Variants in TLL1 observed in about 807,000 individuals in gnomAD.
The protein encoded by TLL1 is tolloid-like protein 1.
A neutral mutation model predicts 128.2 loss-of-function variants in TLL1; 49 were observed. That is an observed-to-expected ratio of 0.38 (90% CI 0.30 to 0.48). TLL1 has a LOEUF of 0.48. TLL1 is among the 20% of genes least tolerant of loss of function. The pLI, the probability that TLL1 is intolerant of heterozygous loss-of-function variation, is 0.96. For synonymous variants in TLL1, 454 were observed against 418.8 expected (o/e 1.08, Z -1.03); for missense variants, 1,123 against 1,242.0 (o/e 0.90, Z 1.44).
intron 1 of TLL1, among the ~76,000 whole-genome samples, chr4:165,942,031 GA>G (rs1734034321): frequency 6.6e-6 from 1 of 151,992 alleles, no homozygotes; most frequent in Non-Finnish European, 1.5e-5. Flanking sequence ...AGATATTATT[GA>G]CCCATTTTAC....
At chr4:166,057,843 G>A (rs1460963978) in intron 14 of TLL1, among the ~76,000 whole-genome samples, 7 of 152,120 alleles carry the variant, frequency 4.6e-5, no homozygotes, top group African/African-American at 1.7e-4. Flanking sequence ...CCCCAACCAT[G>A]ATTCAGTTAC....
At position 166,016,275 on chromosome 4, in the gene TLL1, G is replaced by A. The variant is rs990061163; in HGVS notation, c.1042+1715G>A. Reference sequence around the variant, plus strand: ...AAGATATGGGTGATCCTTAACTAATGTCTAGTAACATTGGGCATATACTTT... The same window carrying A: ...AAGATATGGGTGATCCTTAACTAATATCTAGTAACATTGGGCATATACTTT... On this transcript the variant is annotated intron_variant, in intron 8 of 20. Coordinates refer to ENST00000061240, the MANE Select transcript of TLL1 (RefSeq NM_012464.5). Among the ~76,000 whole-genome samples the A allele has an allele frequency of 5.3e-5, 8 of 151,976 alleles. No homozygotes were observed. The South Asian group carries it at 8.3e-4, about 16-fold the overall frequency.
At chr4:165,900,988 A>G (rs1294573130) in intron 1 of TLL1, among the ~76,000 whole-genome samples, 3 of 144,738 alleles carry the variant, frequency 2.1e-5, no homozygotes, top group East Asian at 4.5e-4. Context: ...CATTAAGTTG[A>G]TCTTCAACCT....
Position 166,077,663 on chromosome 4 carries a change from G to A in TLL1, c.2315-240G>A, listed in dbSNP as rs572461616. ...AAAATAAAAGTTCATTTTCTTTTAG[G>A]CATTTATCTGATTTATGGTAAATAC... On this transcript the variant is annotated intron_variant, in intron 17 of 20. Coordinates refer to ENST00000061240, the MANE Select transcript of TLL1 (RefSeq NM_012464.5). Among the ~76,000 whole-genome samples, 6 of 152,180 alleles carry A rather than the reference G, an allele frequency of 3.9e-5. No homozygotes were observed. In the East Asian group the frequency reaches 1.2e-3, roughly 29 times the overall value.
At chr4:166,064,907 A>T (rs1740502259) in intron 15 of TLL1, among the ~76,000 whole-genome samples, 1 of 152,092 alleles carries the variant, frequency 6.6e-6, no homozygotes, top group African/African-American at 2.4e-5. Context: ...AATCATATGC[A>T]TTGTTAAACC....
intron 1 of TLL1, among the ~76,000 whole-genome samples, chr4:165,948,268 T>C (rs1283493011): frequency 6.6e-6 from 1 of 152,138 alleles, no homozygotes; most frequent in African/African-American, 2.4e-5. Flanking sequence ...GTGTCTTTAA[T>C]TTCACAGGTC....
intron 16 of TLL1, among the ~76,000 whole-genome samples, chr4:166,073,061 G>C (rs1026036673): frequency 5.3e-5 from 8 of 152,094 alleles, no homozygotes; most frequent in African/African-American, 1.9e-4. Context: ...AAGGAAATAT[G>C]TGTCTATTTC....
At chr4:165,950,377 T>C (rs570722718) in intron 1 of TLL1, among the ~76,000 whole-genome samples, 1 of 152,188 alleles carries the variant, frequency 6.6e-6, no homozygotes, top group Non-Finnish European at 1.5e-5. Context: ...AGGCGATAAA[T>C]GAGCAAATAT....
chr4:165,873,683 C>G lies in TLL1; in HGVS notation c.-222C>G, dbSNP rs1730591290. Reference sequence around the variant, plus strand: ...CCTGCCCTCCGCCCACCCGTGGGCCCCTAGCCAACTTCTCCCTGCGACTGG... The same window carrying G: ...CCTGCCCTCCGCCCACCCGTGGGCCGCTAGCCAACTTCTCCCTGCGACTGG... On this transcript the variant is annotated 5_prime_UTR_variant, in exon 1 of 21. Transcript: ENST00000061240. 5.5e-6 allele frequency: 3 copies of G among 548,750 alleles called. No homozygotes were observed. The Admixed American group carries it at 9.4e-5, about 17-fold the overall frequency. 34.0% of individuals were successfully genotyped at this position (548,750 alleles called of 1,614,324 possible).
At chr4:165,957,706 T>A (rs1044263506) in intron 1 of TLL1, among the ~76,000 whole-genome samples, 1 of 150,828 alleles carries the variant, frequency 6.6e-6, no homozygotes, top group Non-Finnish European at 1.5e-5. Context: ...TCATTCTTTT[T>A]TTTTTTTTTT....
At chr4:165,981,525 C>G (rs1214714844) in intron 1 of TLL1, among the ~76,000 whole-genome samples, 4 of 152,030 alleles carry the variant, frequency 2.6e-5, no homozygotes, top group Non-Finnish European at 4.4e-5. Flanking sequence ...CAATTTATAT[C>G]TACTAGCTAA....
At chr4:165,929,432 A>T (rs1733417703) in intron 1 of TLL1, among the ~76,000 whole-genome samples, 1 of 152,014 alleles carries the variant, frequency 6.6e-6, no homozygotes, top group Non-Finnish European at 1.5e-5. Context: ...CCAGCTACTC[A>T]AGAGGCTGAG....
chr4:166,080,787 T>A (rs893338715), intron 18 of TLL1, among the ~76,000 whole-genome samples: 3 of 152,134 alleles, frequency 2.0e-5, no homozygotes, highest in African/African-American at 4.8e-5. Context: ...TGGCTTCAAA[T>A]TCCTTTTTCT....
chr4:165,992,693 A>T, intron 2 of TLL1, 111 bp from the exon 3 acceptor site: 2 of 974,482 alleles, frequency 2.1e-6, no homozygotes, highest in Non-Finnish European at 3.2e-6. Flanking sequence ...TCAACACTTT[A>T]AGACCACATA....
intron 1 of TLL1, among the ~76,000 whole-genome samples, chr4:165,894,410 T>G (rs1460059): frequency 6.6e-6 from 1 of 151,956 alleles, no homozygotes; most frequent in African/African-American, 2.4e-5. Context: ...AAACTGGTAC[T>G]TAACGGAGTA....
At chr4:166,013,691 T>C (rs981640752) in intron 7 of TLL1, among the ~76,000 whole-genome samples, 3 of 151,772 alleles carry the variant, frequency 2.0e-5, no homozygotes, top group African/African-American at 7.2e-5. Context: ...AATTAGAAAG[T>C]ATTTTTAGGG....
chr4:165,879,015 G>A (rs1333807793), intron 1 of TLL1, among the ~76,000 whole-genome samples: 2 of 130,488 alleles, frequency 1.5e-5, no homozygotes, highest in Non-Finnish European at 3.1e-5. Flanking sequence ...TCACAGCCTC[G>A]ACCTCCTAGG....
chr4:166,045,290 T>G (rs1739414276), intron 12 of TLL1, among the ~76,000 whole-genome samples: 1 of 152,194 alleles, frequency 6.6e-6, no homozygotes, highest in African/African-American at 2.4e-5. Flanking sequence ...ACCGAACCCT[T>G]GCTTATTTTA....
At position 166,055,167 on chromosome 4, in the gene TLL1, A is replaced by T; in HGVS notation, c.1616A>T (p.Tyr539Phe). The T allele has an allele frequency of 6.2e-7, 1 of 1,613,668 alleles. No homozygotes were observed. The highest frequency in any genetic ancestry group is 8.5e-7 in the Non-Finnish European group (1 of 1,179,762). Residue 539 changes from tyrosine (Y) to phenylalanine (F), a missense_variant, in exon 13 of 21, where the codon TAT becomes TTT. Coordinates refer to ENST00000061240, the MANE Select transcript of TLL1 (RefSeq NM_012464.5). Reference sequence around the variant, plus strand: ...CCTTTGATAGGGCGTTTCTGTGGTTATGACAAACCTGAAGACATAAGATCT... The same window carrying T: ...CCTTTGATAGGGCGTTTCTGTGGTTTTGACAAACCTGAAGACATAAGATCT... ...NSPLIGRFCGYDKPEDIRSTS... is the reference protein window; with the variant it reads ...NSPLIGRFCGFDKPEDIRSTS...
Sources: allele counts gnomAD v4.1 joint callset (sites outside exome capture counted in the v4.1 genomes callset), GRCh38; gene constraint gnomAD v4.1.1; transcripts MANE v1.5; gene names NCBI Gene and HGNC (gene_info 2026-07-23, HGNC 2026-07-21).